The following EXOC6B variants were observed in gnomAD, a reference collection of about 807,000 sequenced individuals.
EXOC6B encodes SEC15 homolog B.
EXOC6B carries 54 observed loss-of-function variants against 113.5 expected under a neutral mutation model. The observed-to-expected ratio is 0.48, with a 90% CI of 0.38 to 0.60. The LOEUF (loss-of-function observed/expected upper bound fraction) is 0.60. EXOC6B is among the 20% of genes least tolerant of loss of function. EXOC6B has a pLI of 0.00. For missense variants in EXOC6B, 797 were observed against 977.5 expected, an observed-to-expected ratio of 0.82 and a Z score of 2.46; for synonymous variants, 357 against 339.0, an observed-to-expected ratio of 1.05 and a Z score of -0.58.
At chr2:72,687,629 G>A (rs1315549259) in intron 6 of EXOC6B, among the ~76,000 whole-genome samples, 10 of 152,092 alleles carry the variant, frequency 6.6e-5, no homozygotes, top group Non-Finnish European at 8.8e-5. Context: ...TGGTAACACT[G>A]GGTATCTCTG....
At chr2:72,441,097 G>A (rs562876006) in intron 18 of EXOC6B, among the ~76,000 whole-genome samples, 3 of 152,196 alleles carry the variant, frequency 2.0e-5, no homozygotes, top group East Asian at 1.9e-4. Flanking sequence ...GCTTCCATCA[G>A]GAGCTCTTGT....
intron 18 of EXOC6B, among the ~76,000 whole-genome samples, chr2:72,396,511 T>C (rs1002331812): frequency 6.6e-6 from 1 of 151,944 alleles, no homozygotes; most frequent in Non-Finnish European, 1.5e-5. Flanking sequence ...GCCACAACAA[T>C]GCTAAAATAA....
At chr2:72,569,986 C>G (rs1704421774) in intron 7 of EXOC6B, among the ~76,000 whole-genome samples, 1 of 152,084 alleles carries the variant, frequency 6.6e-6, no homozygotes, top group African/African-American at 2.4e-5. Context: ...TGTGTTATGA[C>G]TAAATTGTGT....
chr2:72,210,592 C>T (rs1034122210), intron 20 of EXOC6B, among the ~76,000 whole-genome samples: 5 of 152,174 alleles, frequency 3.3e-5, no homozygotes, highest in African/African-American at 1.2e-4. Flanking sequence ...GGATACCTAC[C>T]TTCCCCAAAG....
intron 11 of EXOC6B, among the ~76,000 whole-genome samples, chr2:72,509,437 C>G (rs912609248): frequency 3.9e-4 from 59 of 152,060 alleles, no homozygotes; most frequent in Non-Finnish European, 2.5e-4. Context: ...ATCTCATACC[C>G]TATGCTAAAA....
chr2:72,598,080 C>T (rs541810550), intron 6 of EXOC6B, among the ~76,000 whole-genome samples: 1 of 152,060 alleles, frequency 6.6e-6, no homozygotes, highest in South Asian at 2.1e-4. Context: ...ACAACTGGAT[C>T]TACTTGACAT....
chr2:72,612,071 C>T (rs1308274637), intron 6 of EXOC6B, among the ~76,000 whole-genome samples: 2 of 151,956 alleles, frequency 1.3e-5, no homozygotes, highest in African/African-American at 4.8e-5. Context: ...TCACTTGAGG[C>T]CGTAGACTAG....
intron 20 of EXOC6B, among the ~76,000 whole-genome samples, chr2:72,256,793 G>C (rs886257684): frequency 2.6e-5 from 4 of 152,166 alleles, no homozygotes; most frequent in Admixed American, 2.6e-4. Flanking sequence ...GAATCACAGA[G>C]CTAGATGATT....
At chr2:72,261,730 T>C (rs1472062176) in intron 20 of EXOC6B, among the ~76,000 whole-genome samples, 1 of 152,208 alleles carries the variant, frequency 6.6e-6, no homozygotes, top group East Asian at 1.9e-4. Flanking sequence ...TATTTTCATA[T>C]ATTTGAAGGT....
chr2:72,679,374 T>C (rs1676532192), intron 6 of EXOC6B, among the ~76,000 whole-genome samples: 1 of 152,128 alleles, frequency 6.6e-6, no homozygotes, highest in African/African-American at 2.4e-5. Flanking sequence ...CAGCCTATCT[T>C]GCATATAACT....
intron 1 of EXOC6B, among the ~76,000 whole-genome samples, chr2:72,816,821 C>G (rs553594647): frequency 3.0e-4 from 45 of 152,298 alleles, no homozygotes; most frequent in Non-Finnish European, 1.2e-4. Context: ...TGAATCTAAT[C>G]AATCAGATAA....
At chr2:72,639,588 G>A (rs1573534736) in intron 6 of EXOC6B, among the ~76,000 whole-genome samples, 2 of 152,144 alleles carry the variant, frequency 1.3e-5, no homozygotes, top group African/African-American at 4.8e-5. Context: ...ACTACCAAAC[G>A]TTATGGTTGA....
At chr2:72,646,170 C>T (rs542887752) in intron 6 of EXOC6B, among the ~76,000 whole-genome samples, 39 of 152,136 alleles carry the variant, frequency 2.6e-4, no homozygotes, top group South Asian at 4.2e-4. Context: ...AACACCTCTA[C>T]GCAGATAAAC....
rs1280251556 is a variant in EXOC6B, at chr2:72,177,344, C to A, written c.*1991G>T. On this transcript the variant is annotated 3_prime_UTR_variant, in exon 22 of 22. Transcript: ENST00000272427. ...CCATTTCCACTTCAAAGTCTCTCAG[C>A]ACTTAAAGCTGAAGAGATCTTGCTG... is the stretch of plus-strand genomic sequence containing the variant. 1 of 152,226 alleles carries A rather than the reference C, an allele frequency of 6.6e-6. No homozygotes were observed. The highest frequency in any genetic ancestry group is 1.5e-5 in the Non-Finnish European group (1 of 68,050). The allele number at this position is 152,226 out of a possible 1,614,324, so 9.4% of individuals were successfully genotyped here.
chr2:72,680,651 A>C (rs1676631862), intron 6 of EXOC6B, among the ~76,000 whole-genome samples: 1 of 152,092 alleles, frequency 6.6e-6, no homozygotes, highest in Non-Finnish European at 1.5e-5. Flanking sequence ...AGCCAGGAGA[A>C]TCACTTGGAC....
chr2:72,441,174 A>C (rs658067), intron 18 of EXOC6B, among the ~76,000 whole-genome samples: 19,939 of 152,068 alleles, frequency 0.13, 1,553 homozygotes, highest in African/African-American at 0.22. Context: ...TATTTCTCTT[A>C]TTTCTATTCA....
intron 16 of EXOC6B, among the ~76,000 whole-genome samples, chr2:72,485,136 T>G (rs1447314163): frequency 6.6e-6 from 1 of 152,188 alleles, no homozygotes; most frequent in Non-Finnish European, 1.5e-5. Context: ...CCTCCAAGCC[T>G]GCTCAAAACA....
intron 11 of EXOC6B, among the ~76,000 whole-genome samples, chr2:72,501,189 A>T (rs1348735440): frequency 2.6e-5 from 4 of 152,178 alleles, no homozygotes; most frequent in Non-Finnish European, 5.9e-5. Flanking sequence ...CAAATCTTAC[A>T]TTAAAATGTG....
intron 1 of EXOC6B, among the ~76,000 whole-genome samples, chr2:72,781,793 T>A (rs889345460): frequency 3.9e-5 from 6 of 151,924 alleles, no homozygotes; most frequent in Non-Finnish European, 7.4e-5. Context: ...CACAACTAAC[T>A]TCCAAGGAGA....
Sources: allele counts gnomAD v4.1 joint callset (sites outside exome capture counted in the v4.1 genomes callset), GRCh38; gene constraint gnomAD v4.1.1; transcripts MANE v1.5; gene names NCBI Gene and HGNC (gene_info 2026-07-23, HGNC 2026-07-21).